MORN4: variants seen among roughly 807,000 people sequenced by gnomAD.
The protein encoded by MORN4 is MORN repeat containing 4, also known as MORN repeat-containing protein 4.
A neutral mutation model predicts 16.4 loss-of-function variants in MORN4; 8 were observed. That is an observed-to-expected ratio of 0.49 (90% confidence interval 0.29 to 0.88). The LOEUF (loss-of-function observed/expected upper bound fraction) is 0.88. Among genes scored for constraint, MORN4 ranks in the 40% least tolerant of loss-of-function variants. MORN4 has a pLI of 0.09. For missense variants in MORN4, 159 were observed against 182.9 expected, an observed-to-expected ratio of 0.87 and a Z score of 0.75; for synonymous variants, 53 against 68.9, an observed-to-expected ratio of 0.77 and a Z score of 1.14.
At chr10:97,617,454 G>T in intron 2 of MORN4, 132 bp from the exon 3 acceptor site, 1 of 734,526 alleles carries the variant, frequency 1.4e-6, no homozygotes, top group African/African-American at 1.7e-5. Flanking sequence ...CATTAGCAGG[G>T]CAGAGGATTA....
intron 1 of MORN4, among the ~76,000 whole-genome samples, chr10:97,632,212 CTTTTTTT>C (rs1162979185): frequency 2.3e-5 from 2 of 86,974 alleles, no homozygotes; most frequent in South Asian, 4.1e-4. Context: ...TAATACTCCC[CTTTTTTT>C]TTTTTTTTTT....
intron 1 of MORN4, among the ~76,000 whole-genome samples, chr10:97,620,128 T>C (rs2041275415): frequency 6.6e-6 from 1 of 151,816 alleles, no homozygotes; most frequent in Admixed American, 6.6e-5. Context: ...AGACATGAGA[T>C]GGCCAGAATT....
At chr10:97,617,446 T>C in intron 2 of MORN4, 124 bp from the exon 3 acceptor site, 3 of 772,700 alleles carry the variant, frequency 3.9e-6, no homozygotes, top group Non-Finnish European at 6.8e-6. Flanking sequence ...AGCAGTGACA[T>C]TAGCAGGGCA....
chr10:97,620,404 C>G (rs2041278061), intron 1 of MORN4, among the ~76,000 whole-genome samples: 1 of 144,746 alleles, frequency 6.9e-6, no homozygotes, highest in Admixed American at 7.2e-5. Flanking sequence ...GGGAGAATCA[C>G]TTAAACCCGG....
intron 1 of MORN4, among the ~76,000 whole-genome samples, chr10:97,627,781 T>A (rs2041361345): frequency 6.6e-6 from 1 of 152,176 alleles, no homozygotes; most frequent in African/African-American, 2.4e-5. Flanking sequence ...ATTATCTTCT[T>A]GTAGTAAACT....
In MORN4 at chr10:97,627,433, G is replaced by A. The variant is rs369164158; in HGVS notation, c.-31+5914C>T. Among the ~76,000 whole-genome samples the A allele has an allele frequency of 2.0e-5, 3 of 152,244 alleles. No individual in the cohort carries two copies. The East Asian group carries it at 5.8e-4, about 29-fold the overall frequency. ...TGCTAGATTACAGGCGTGAGCTACC[G>A]CGCCCAGCCAGAACATAATGATTTT... On this transcript the variant is annotated intron_variant, in intron 1 of 4. Coordinates refer to ENST00000307450, the MANE Select transcript of MORN4 (RefSeq NM_178832.4).
chr10:97,631,789 G>A (rs1292592523), intron 1 of MORN4, among the ~76,000 whole-genome samples: 2 of 152,050 alleles, frequency 1.3e-5, no homozygotes, highest in Non-Finnish European at 2.9e-5. Flanking sequence ...ACAAAAATTT[G>A]CTGGGTGTGG....
intron 1 of MORN4, among the ~76,000 whole-genome samples, chr10:97,626,194 T>G (rs1168246979): frequency 6.6e-6 from 1 of 151,342 alleles, no homozygotes; most frequent in African/African-American, 2.4e-5. Flanking sequence ...CTGGCCAACA[T>G]GGTGAAGCCC....
At position 97,633,296 on chromosome 10, in the gene MORN4, T is replaced by A; in HGVS notation, c.-31+51A>T. The A allele has an allele frequency of 1.6e-6, 2 of 1,283,926 alleles. No individual in the cohort carries two copies. The highest frequency in any genetic ancestry group is 2.0e-6 in the Non-Finnish European group (2 of 985,992). The allele number at this position is 1,283,926 out of a possible 1,614,324, so 79.5% of individuals were successfully genotyped here. On this transcript the variant is annotated intron_variant, in intron 1 of 4. Coordinates refer to ENST00000307450, the MANE Select transcript of MORN4 (RefSeq NM_178832.4). The surrounding 1 kb of genome is among the most constrained non-coding windows in gnomAD (Gnocchi z 4.5). ...CGTGCTCCGTTCCTCAGTGCCCACCTGACCGATCACACTCTTTCCCGGCCC... is the reference window on the plus strand; with the variant it reads ...CGTGCTCCGTTCCTCAGTGCCCACCAGACCGATCACACTCTTTCCCGGCCC...
chr10:97,617,504 G>A (rs2041246841), intron 2 of MORN4, among the ~76,000 whole-genome samples, 182 bp from the exon 3 acceptor site: 1 of 152,164 alleles, frequency 6.6e-6, no homozygotes, highest in Non-Finnish European at 1.5e-5. Context: ...GGCTCCTGGG[G>A]CCTTCCCATC....
intron 1 of MORN4, among the ~76,000 whole-genome samples, chr10:97,623,685 C>G (rs2041323863): frequency 6.6e-6 from 1 of 151,972 alleles, no homozygotes; most frequent in South Asian, 2.1e-4. Context: ...GTAGCTGGAA[C>G]TACAGGTGCA....
chr10:97,626,066 C>CTTTTTT (rs74855674), intron 1 of MORN4, among the ~76,000 whole-genome samples: 3 of 140,798 alleles, frequency 2.1e-5, no homozygotes, highest in Non-Finnish European at 4.7e-5. Context: ...AGCCTCATGC[C>CTTTTTT]TTTTTTTTTT....
At chr10:97,618,977 C>T (rs555542483) in intron 2 of MORN4, among the ~76,000 whole-genome samples, 60 of 152,224 alleles carry the variant, frequency 3.9e-4, no homozygotes, top group African/African-American at 1.4e-3. Context: ...GTGCCTACCT[C>T]ATAAGGTTGT....
chr10:97,619,000 A>G (rs2041264127), intron 2 of MORN4, among the ~76,000 whole-genome samples: 1 of 152,180 alleles, frequency 6.6e-6, no homozygotes, highest in Admixed American at 6.5e-5. Context: ...TGAGGATTAA[A>G]TAAGATGATA....
chr10:97,620,187 CAG>C (rs1167028700), intron 1 of MORN4, among the ~76,000 whole-genome samples: 1 of 151,758 alleles, frequency 6.6e-6, no homozygotes, highest in Non-Finnish European at 1.5e-5. Flanking sequence ...ATTCCAGAAT[CAG>C]AAAACATAGG....
At chr10:97,630,720 G>C (rs1212688802) in intron 1 of MORN4, among the ~76,000 whole-genome samples, 1 of 152,248 alleles carries the variant, frequency 6.6e-6, no homozygotes, top group Non-Finnish European at 1.5e-5. Context: ...TGGATTTTAT[G>C]ACTTTTATAA....
chr10:97,630,979 T>C (rs1420666803), intron 1 of MORN4, among the ~76,000 whole-genome samples: 1 of 152,112 alleles, frequency 6.6e-6, no homozygotes, highest in Non-Finnish European at 1.5e-5. Context: ...GCCTCCTGAG[T>C]AGCTGGGACT....
At chr10:97,633,626 T>C (rs1262784795), upstream of MORN4, 7 of 1,286,366 alleles carry the variant, frequency 5.4e-6, no homozygotes, top group East Asian at 1.1e-4. This position sits in a 1 kb window ranked among gnomAD's most constrained non-coding sequence, Gnocchi z 4.5. Context: ...CCGGGCTGAC[T>C]ATGTGAAAGA....
At chr10:97,632,212 C>CTTTTTTTTTTTTT (rs1162979185) in intron 1 of MORN4, among the ~76,000 whole-genome samples, 4 of 86,976 alleles carry the variant, frequency 4.6e-5, no homozygotes, top group Non-Finnish European at 6.3e-5. Context: ...TAATACTCCC[C>CTTTTTTTTTTTTT]TTTTTTTTTT....
Sources: gnomAD v4.1 joint callset for allele counts (sites outside exome capture counted in the v4.1 genomes callset) on GRCh38, gnomAD v4.1.1 for gene constraint, Gnocchi (gnomAD v3.1) non-coding constraint, MANE v1.5 for transcripts, NCBI Gene and HGNC (gene_info 2026-07-23, HGNC 2026-07-21) for gene names.